Variants in ADAMTS20 observed in about 807,000 individuals in gnomAD.
ADAMTS20 encodes A disintegrin and metalloproteinase with thrombospondin motifs 20.
ADAMTS20 carries 225 observed loss-of-function variants against 260.1 expected under a neutral mutation model. That is an observed-to-expected ratio of 0.87 (90% CI 0.78 to 0.97). The LOEUF is 0.97. Ranked by LOEUF, ADAMTS20 falls within the 50% of genes least tolerant of loss-of-function variation. The probability of loss-of-function intolerance (pLI) is 0.00; values close to 1 mark genes in which losing one functional copy is unlikely to be tolerated. For synonymous variants in ADAMTS20, 802 were observed against 769.5 expected (o/e 1.04, Z -0.70); for missense variants, 2,400 against 2,337.7 (o/e 1.03, Z -0.55).
intron 2 of ADAMTS20, among the ~76,000 whole-genome samples, chr12:43,547,472 C>CT (rs1198533702): frequency 2.0e-5 from 3 of 152,200 alleles, no homozygotes; most frequent in African/African-American, 7.2e-5. Flanking sequence ...TTCAAAGGGA[C>CT]TGCCCAAAGA....
intron 28 of ADAMTS20, among the ~76,000 whole-genome samples, chr12:43,401,741 C>T (rs1247791395): frequency 6.8e-6 from 1 of 147,416 alleles, no homozygotes; most frequent in African/African-American, 2.5e-5. Context: ...TATTTTTATG[C>T]TTTTTTTTTT....
chr12:43,478,145 T>C (rs893975046), intron 7 of ADAMTS20, among the ~76,000 whole-genome samples: 1 of 152,102 alleles, frequency 6.6e-6, no homozygotes, highest in Admixed American at 6.6e-5. Context: ...AAAATGAAAT[T>C]CAATTAAAAA....
At chr12:43,373,434 TGG>T (rs1940148166) in intron 36 of ADAMTS20, among the ~76,000 whole-genome samples, 1 of 152,194 alleles carries the variant, frequency 6.6e-6, no homozygotes, top group South Asian at 2.1e-4. Flanking sequence ...TTGGCTTCCC[TGG>T]GCCACACTGG....
intron 28 of ADAMTS20, among the ~76,000 whole-genome samples, chr12:43,402,544 GCAAA>G (rs757487636): frequency 1.3e-5 from 2 of 151,954 alleles, no homozygotes; most frequent in Non-Finnish European, 2.9e-5. Context: ...GACATGTTAT[GCAAA>G]CAGTTATGTT....
intron 7 of ADAMTS20, among the ~76,000 whole-genome samples, chr12:43,489,416 A>G (rs1189429869): frequency 6.6e-6 from 1 of 151,992 alleles, no homozygotes; most frequent in Non-Finnish European, 1.5e-5. Flanking sequence ...GAAAGCAACA[A>G]ATACCACACC....
At chr12:43,361,518 A>G (rs1296040159) in intron 37 of ADAMTS20, among the ~76,000 whole-genome samples, 1 of 152,268 alleles carries the variant, frequency 6.6e-6, no homozygotes, top group Non-Finnish European at 1.5e-5. Context: ...AGTGGGCAGG[A>G]AGAGCATTTT....
At chr12:43,371,489 C>T (rs190582180) in intron 36 of ADAMTS20, among the ~76,000 whole-genome samples, 68 of 152,140 alleles carry the variant, frequency 4.5e-4, no homozygotes, top group African/African-American at 1.6e-3. Flanking sequence ...GTGATACTTG[C>T]TATGGAAAGA....
chr12:43,363,168 T>C (rs1374524420), intron 37 of ADAMTS20, among the ~76,000 whole-genome samples: 1 of 152,062 alleles, frequency 6.6e-6, no homozygotes, highest in Non-Finnish European at 1.5e-5. Flanking sequence ...AAGATGATCA[T>C]TCTAATCATG....
At chr12:43,538,516 A>T (rs1244921029) in intron 2 of ADAMTS20, among the ~76,000 whole-genome samples, 2 of 152,006 alleles carry the variant, frequency 1.3e-5, no homozygotes, top group African/African-American at 4.8e-5. Context: ...AAGCTTTTTA[A>T]CTTGATGTGA....
rs1177340272 is a variant in ADAMTS20 at position 43,449,596 on chromosome 12, C to T, written c.2079+2678G>A. 7.2e-5 allele frequency among the ~76,000 whole-genome samples: 11 copies of T among 151,838 alleles called. No homozygotes were observed. The East Asian group carries it at 2.1e-3, about 29-fold the overall frequency. On this transcript the variant is annotated intron_variant, in intron 14 of 38. Transcript: ENST00000389420. ...AACAAAACCCTGTTACACGAGTTTA[C>T]CTGTATAAAAAACTTGCATATATAC...
At position 43,501,743 on chromosome 12, in the gene ADAMTS20, C is replaced by G. The variant is rs186523538; in HGVS notation, c.867+409G>C. Among the ~76,000 whole-genome samples the G allele has an allele frequency of 2.2e-4, 33 of 152,224 alleles. No homozygotes were observed. The East Asian group carries it at 6.2e-3, about 29-fold the overall frequency. On this transcript the variant is annotated intron_variant, in intron 4 of 38. Transcript: ENST00000389420. Reference sequence around the variant, plus strand: ...CTTAAAATATTAAGCGTCCAAATTTCTGATTTGGAGAATATAGCCATAATA... The same window carrying G: ...CTTAAAATATTAAGCGTCCAAATTTGTGATTTGGAGAATATAGCCATAATA...
intron 29 of ADAMTS20, among the ~76,000 whole-genome samples, chr12:43,397,138 A>G (rs142994876): frequency 3.7e-4 from 56 of 152,344 alleles, no homozygotes; most frequent in African/African-American, 1.3e-3. Flanking sequence ...AAACATAATA[A>G]TTTAAGAGAT....
chr12:43,435,664 A>C (rs12230947), intron 18 of ADAMTS20, among the ~76,000 whole-genome samples: 14 of 139,374 alleles, frequency 1.0e-4, no homozygotes, highest in South Asian at 2.5e-4. Flanking sequence ...AAAACAAAAA[A>C]ATAAAAATAA....
chr12:43,383,494 C>T (rs1592039152), intron 31 of ADAMTS20, 64 bp downstream of exon 31: 2 of 1,497,168 alleles, frequency 1.3e-6, no homozygotes, highest in East Asian at 2.3e-5. Context: ...TCAGCTGTGT[C>T]AAATTGTAGA....
chr12:43,398,864 T>C (rs1245412661), intron 29 of ADAMTS20, among the ~76,000 whole-genome samples: 1 of 152,096 alleles, frequency 6.6e-6, no homozygotes, highest in African/African-American at 2.4e-5. Context: ...AAAAATCAAA[T>C]GACTAATTTA....
intron 7 of ADAMTS20, among the ~76,000 whole-genome samples, chr12:43,482,057 T>C (rs1379104342): frequency 6.6e-6 from 1 of 152,056 alleles, no homozygotes; most frequent in East Asian, 1.9e-4. Context: ...GCTGATTTAG[T>C]GAGCAGCGGG....
chr12:43,418,260 G>A (rs11612644), intron 28 of ADAMTS20, among the ~76,000 whole-genome samples: 1 of 152,170 alleles, frequency 6.6e-6, no homozygotes, highest in Non-Finnish European at 1.5e-5. Flanking sequence ...CTACTCAGGA[G>A]AGAACATTTT....
chr12:43,541,329 TC>T (rs2137521602), intron 2 of ADAMTS20, among the ~76,000 whole-genome samples: 1 of 152,334 alleles, frequency 6.6e-6, no homozygotes, highest in East Asian at 1.9e-4. Context: ...GACCTTCAGT[TC>T]CATTGTCTGT....
rs775354769 is a variant in ADAMTS20 at position 43,383,620 on chromosome 12, T to C, written c.4735A>G (p.Thr1579Ala). Residue 1579 changes from threonine (T) to alanine (A), a missense_variant, in exon 31 of 39, where the codon ACA becomes GCA. Physicochemically the swap from Thr to Ala is moderately conservative, Grantham distance 58. Transcript: ENST00000389420. ...IVYNSSTISLTSKNCRNPPCN... is the reference protein window; with the variant it reads ...IVYNSSTISLASKNCRNPPCN... ...GGAGGGTTCCTGCAATTCTTGGATG[T>C]AAGAGATATGGTTGAAGAATTATAG... 4 of 1,613,882 alleles carry C rather than the reference T, an allele frequency of 2.5e-6. No homozygotes were observed. The highest frequency in any genetic ancestry group is 3.4e-6 in the Non-Finnish European group (4 of 1,179,832).
Sources: gnomAD v4.1 joint callset for allele counts (sites outside exome capture counted in the v4.1 genomes callset) on GRCh38, gnomAD v4.1.1 for gene constraint, MANE v1.5 for transcripts, NCBI Gene and HGNC (gene_info 2026-07-23, HGNC 2026-07-21) for gene names.